Variants in PTCH1 observed in about 807,000 individuals in gnomAD.
The protein encoded by PTCH1 is protein patched homolog 1.
Under a neutral mutation model 144.6 loss-of-function variants are expected in PTCH1, and 14 were observed. The observed-to-expected ratio is 0.10, with a 90% CI of 0.06 to 0.15. The LOEUF (loss-of-function observed/expected upper bound fraction) is 0.15. Among genes scored for constraint, PTCH1 ranks in the 10% least tolerant of loss-of-function variants. PTCH1 has a pLI of 1.00. For synonymous variants in PTCH1, 833 were observed against 793.6 expected (o/e 1.05, Z -0.83); for missense variants, 1,623 against 1,948.3 (o/e 0.83, Z 3.14).
At chr9:95,498,664 A>G (rs1192878556) in intron 2 of PTCH1, among the ~76,000 whole-genome samples, 1 of 150,520 alleles carries the variant, frequency 6.6e-6, no homozygotes, top group Non-Finnish European at 1.5e-5. Flanking sequence ...ATTTAAAGAG[A>G]AAAAAAAAAT....
At chr9:95,496,235 G>A (rs773629120) in intron 2 of PTCH1, among the ~76,000 whole-genome samples, 3 of 152,270 alleles carry the variant, frequency 2.0e-5, no homozygotes, top group Non-Finnish European at 4.4e-5. Flanking sequence ...TCGCTGCTGC[G>A]AAAAATGGTT....
In PTCH1 at chr9:95,495,646, A is replaced by G. The variant is rs74496836; in HGVS notation, c.395-9772T>C. On this transcript the variant is annotated intron_variant, in intron 2 of 23. Transcript: ENST00000331920. The stretch of plus-strand genomic sequence containing the variant: ...CAAGGCTAACACCTCCAGAACGGTT[A>G]GTTCCTCCTCTTCTAAAGGACCAAT... Among the ~76,000 whole-genome samples the G allele has an allele frequency of 6.3e-3, 962 of 152,222 alleles. 7 individuals carry two copies. Among genetic ancestry groups the G allele is most frequent in the African/African-American group, 0.02 (814 of 41,542 alleles).
chr9:95,496,922 G>C (rs1419530959), intron 2 of PTCH1, among the ~76,000 whole-genome samples: 1 of 152,128 alleles, frequency 6.6e-6, no homozygotes, highest in Admixed American at 6.5e-5. Flanking sequence ...GAGGAAATCA[G>C]GGAGTGGGGG....
intron 15 of PTCH1, among the ~76,000 whole-genome samples, chr9:95,463,650 G>A (rs1181132818): frequency 6.6e-6 from 1 of 152,128 alleles, no homozygotes; most frequent in Non-Finnish European, 1.5e-5. Context: ...AGCTAATCCT[G>A]AAGAGAGGCT....
At chr9:95,466,069 T>C (rs1024916868) in intron 15 of PTCH1, among the ~76,000 whole-genome samples, 1 of 152,170 alleles carries the variant, frequency 6.6e-6, no homozygotes, top group African/African-American at 2.4e-5. Flanking sequence ...TTTTTGGAGA[T>C]GGAGTCTCGC....
intron 5 of PTCH1, among the ~76,000 whole-genome samples, chr9:95,480,890 G>C (rs1841484802): frequency 6.7e-6 from 1 of 149,754 alleles, no homozygotes; most frequent in Non-Finnish European, 1.5e-5. Flanking sequence ...TAGCCAAAAA[G>C]ACAGATCCAA....
upstream of PTCH1, among the ~76,000 whole-genome samples, chr9:95,511,769 T>C (rs1371233300): frequency 6.6e-6 from 1 of 152,246 alleles, no homozygotes; most frequent in Admixed American, 6.5e-5. Context: ...CTTTTCTTAC[T>C]GAATGGTTAT....
chr9:95,510,958 G>A (rs906727243), upstream of PTCH1, among the ~76,000 whole-genome samples: 4 of 150,258 alleles, frequency 2.7e-5, no homozygotes, highest in East Asian at 3.9e-4. Flanking sequence ...GCGGTCTCCC[G>A]AGAGCCCAGG....
chr9:95,502,714 C>T (rs1278841752), intron 2 of PTCH1, among the ~76,000 whole-genome samples: 3 of 152,152 alleles, frequency 2.0e-5, no homozygotes, highest in Non-Finnish European at 4.4e-5. Flanking sequence ...TTCCTACACA[C>T]GCACACACAC....
At chr9:95,491,903 T>C (rs79127746) in intron 2 of PTCH1, among the ~76,000 whole-genome samples, 2,222 of 152,336 alleles carry the variant, frequency 0.015, 26 homozygotes, top group Non-Finnish European at 0.022. Flanking sequence ...AAGTTAACTA[T>C]AGCAGACCTG....
chr9:95,465,821 G>A (rs1839948561), intron 15 of PTCH1, among the ~76,000 whole-genome samples: 1 of 152,188 alleles, frequency 6.6e-6, no homozygotes, highest in Non-Finnish European at 1.5e-5. Context: ...TAATGATTTG[G>A]TACTCCAGTA....
chr9:95,492,910 G>A (rs1842525832), intron 2 of PTCH1, among the ~76,000 whole-genome samples: 1 of 152,088 alleles, frequency 6.6e-6, no homozygotes, highest in South Asian at 2.1e-4. Context: ...GGGGGCAGAT[G>A]AAGGCACACA....
intron 22 of PTCH1, among the ~76,000 whole-genome samples, chr9:95,447,703 C>T (rs907389691): frequency 1.5e-4 from 23 of 152,180 alleles, no homozygotes; most frequent in Admixed American, 6.5e-4. Flanking sequence ...CTGCTGCTGC[C>T]CATAAATGTG....
At chr9:95,479,289 G>T (rs1841346523) in intron 7 of PTCH1, 142 bp from the exon 8 acceptor site, 2 of 1,054,742 alleles carry the variant, frequency 1.9e-6, no homozygotes, top group South Asian at 1.3e-5. Flanking sequence ...ATTAAAATGG[G>T]ACCAGGATGG....
At chr9:95,507,830 G>A (rs893153240) in intron 1 of PTCH1, 9 of 876,860 alleles carry the variant, frequency 1.0e-5, no homozygotes, top group African/African-American at 1.8e-5. Context: ...ACAGTGCCGC[G>A]GCCGCCCTTG....
In PTCH1 at chr9:95,456,341, C is replaced by T. The variant is rs587778629; in HGVS notation, c.3241G>A (p.Val1081Met). ...MGLIGIKLSA[V>M]PVVILIASVG... ...GAAGCGATCAGGATGACCACGGGCACGGCACTGAGCTTGATTCCGATGAGG... is the reference window on the plus strand; with the variant it reads ...GAAGCGATCAGGATGACCACGGGCATGGCACTGAGCTTGATTCCGATGAGG... Residue 1081 changes from valine (V) to methionine (M), a missense_variant, in exon 19 of 24, where the codon GTG becomes ATG. Physicochemically the swap from Val to Met is conservative, Grantham distance 21 (BLOSUM62 1). Around this residue, in one of 7 missense-constraint regions of PTCH1, gnomAD observed 504 missense variants for 679.3 expected, o/e 0.74. Transcript: ENST00000331920. 7.1e-5 allele frequency: 115 copies of T among 1,614,112 alleles called. No individual in the cohort carries two copies. Among genetic ancestry groups the T allele is most frequent in the Admixed American group, 3.2e-4 (19 of 60,030 alleles).
At chr9:95,487,729 T>C (rs1199398370) in intron 2 of PTCH1, among the ~76,000 whole-genome samples, 2 of 152,214 alleles carry the variant, frequency 1.3e-5, no homozygotes, top group Non-Finnish European at 2.9e-5. Context: ...CCAGAAATCA[T>C]TCCCATTGTT....
Position 95,467,162 on chromosome 9 carries a change from TTTG to T in PTCH1, c.2511_2513del (p.Asn837del), listed in dbSNP as rs1345388779. 1 of 1,614,220 alleles carries T rather than the reference TTTG, an allele frequency of 6.2e-7. No individual in the cohort carries two copies. The highest frequency in any genetic ancestry group is 8.5e-7 in the Non-Finnish European group (1 of 1,180,036). On this transcript the variant is annotated inframe_deletion, in exon 15 of 24. Coordinates refer to ENST00000331920, the MANE Select transcript of PTCH1 (RefSeq NM_000264.5). ...AGTGCAGCCACATTTTGGGAAGCTGTTTGTTTTCTTCCAACATGACATACTTCA... is the reference window on the plus strand; with the variant it reads ...AGTGCAGCCACATTTTGGGAAGCTGTTTTTCTTCCAACATGACATACTTCA...
At chr9:95,506,662 G>C (rs897363762) in intron 1 of PTCH1, 63 bp from the exon 2 acceptor site, 1 of 1,455,004 alleles carries the variant, frequency 6.9e-7, no homozygotes, top group Non-Finnish European at 9.1e-7. Flanking sequence ...GCCCACGCCC[G>C]CTTGCGCGCA....
Sources: gnomAD v4.1 joint callset for allele counts (sites outside exome capture counted in the v4.1 genomes callset) on GRCh38, gnomAD v4.1.1 for gene constraint, gnomAD v4.1.1 regional missense constraint, MANE v1.5 for transcripts, NCBI Gene and HGNC (gene_info 2026-07-23, HGNC 2026-07-21) for gene names.